Variants in ATCAY observed in about 807,000 individuals in gnomAD.
ATCAY encodes ATCAY kinesin light chain interacting caytaxin.
In ATCAY, 22 loss-of-function variants were observed where a neutral mutation model predicts 47.7. The observed-to-expected ratio is 0.46, with a 90% confidence interval of 0.33 to 0.66. The LOEUF is 0.66. Among genes scored for constraint, ATCAY ranks in the 30% least tolerant of loss-of-function variants. The pLI, the probability that ATCAY is intolerant of heterozygous loss-of-function variation, is 0.02. For missense variants in ATCAY, 452 were observed against 515.0 expected (o/e 0.88, Z 1.18); for synonymous variants, 216 against 207.6 (o/e 1.04, Z -0.35).
intron 1 of ATCAY, among the ~76,000 whole-genome samples, chr19:3,881,875 C>CCCCG (rs1338603974): frequency 1.4e-5 from 2 of 146,010 alleles, no homozygotes; most frequent in African/African-American, 5.2e-5. Flanking sequence ...CGCCCCCCCC[C>CCCCG]CGACCCCATA....
intron 3 of ATCAY, among the ~76,000 whole-genome samples, chr19:3,903,405 G>A (rs1427094796): frequency 6.6e-6 from 1 of 152,296 alleles, no homozygotes; most frequent in East Asian, 1.9e-4. Context: ...TGCCTCCGGA[G>A]GCAGGGAAAG....
rs541597789 is a variant in ATCAY at position 3,882,099 on chromosome 19, G to A, written c.-42+1091G>A. Among the ~76,000 whole-genome samples, 20 of 152,202 alleles carry A rather than the reference G, an allele frequency of 1.3e-4. No individual in the cohort carries two copies. In the South Asian group the frequency reaches 2.5e-3, roughly 19 times the overall value. ...TAAGCCACAGTCCCCTGTCCCCGAT[G>A]CAAACCCGATATCTATGCTGGGGGG... On this transcript the variant is annotated intron_variant, in intron 1 of 12. Coordinates refer to ENST00000450849, the MANE Select transcript of ATCAY (RefSeq NM_033064.5).
At chr19:3,908,447 G>C in intron 6 of ATCAY, 77 bp downstream of exon 6, 1 of 1,341,168 alleles carries the variant, frequency 7.5e-7, no homozygotes, top group Non-Finnish European at 1.0e-6. Flanking sequence ...AGGCTGCAAG[G>C]ATTGCATTGT....
At chr19:3,899,641 A>C (rs963536024) in intron 2 of ATCAY, among the ~76,000 whole-genome samples, 2 of 152,096 alleles carry the variant, frequency 1.3e-5, no homozygotes, top group Non-Finnish European at 2.9e-5. Context: ...AAAGGAAAGG[A>C]ACATGCATTC....
At chr19:3,915,325 G>A (rs1248025501) in intron 9 of ATCAY, among the ~76,000 whole-genome samples, 9 of 135,330 alleles carry the variant, frequency 6.7e-5, no homozygotes, top group East Asian at 4.8e-4. Flanking sequence ...GGCATGAGCC[G>A]CCATGCCTGG....
intron 2 of ATCAY, among the ~76,000 whole-genome samples, chr19:3,899,440 A>G (rs2038796820): frequency 6.9e-6 from 1 of 145,118 alleles, no homozygotes; most frequent in South Asian, 2.2e-4. Context: ...CAGCCTCCCC[A>G]GTAGCTGAGA....
At chr19:3,917,610 A>AAAAAAAAAAAAAG (rs368009492) in intron 9 of ATCAY, 132 bp from the exon 10 acceptor site, 1 of 492,804 alleles carries the variant, frequency 2.0e-6, no homozygotes, top group Non-Finnish European at 3.3e-6. Context: ...AAAAAAAAAA[A>AAAAAAAAAAAAAG]GGAAGAAGAA....
intron 2 of ATCAY, among the ~76,000 whole-genome samples, chr19:3,901,609 C>T (rs751811059): frequency 7.9e-5 from 12 of 152,044 alleles, no homozygotes; most frequent in Non-Finnish European, 1.5e-4. Flanking sequence ...CTCCTCAAGC[C>T]GTGCAAAAAT....
intron 11 of ATCAY, 147 bp from the exon 12 acceptor site, chr19:3,920,619 A>C (rs2039009103): frequency 2.0e-6 from 1 of 506,698 alleles, no homozygotes; most frequent in South Asian, 4.5e-5. Context: ...CTGGGATTAT[A>C]GGCATGAGCC....
intron 2 of ATCAY, among the ~76,000 whole-genome samples, chr19:3,887,488 T>A (rs2038668732): frequency 1.3e-5 from 2 of 150,642 alleles, no homozygotes; most frequent in South Asian, 4.2e-4. Context: ...ATTTTATTTA[T>A]TTATTTATTT....
intron 2 of ATCAY, among the ~76,000 whole-genome samples, chr19:3,886,988 C>G (rs1275220358): frequency 6.6e-6 from 1 of 151,964 alleles, no homozygotes; most frequent in Non-Finnish European, 1.5e-5. Flanking sequence ...GGCCCCTACG[C>G]TGAACATTTT....
intron 11 of ATCAY, chr19:3,920,330 C>T (rs2145266033): frequency 6.6e-6 from 1 of 152,260 alleles, no homozygotes; most frequent in East Asian, 2.0e-4. Flanking sequence ...GGCAACATAA[C>T]AAGACCCTGT....
At chr19:3,890,100 C>T (rs1387929528) in intron 2 of ATCAY, among the ~76,000 whole-genome samples, 8 of 151,432 alleles carry the variant, frequency 5.3e-5, no homozygotes, top group Admixed American at 2.0e-4. Flanking sequence ...TCTGCCACCA[C>T]GCCCAGCTCA....
At chr19:3,918,381 T>C (rs1424918138) in intron 10 of ATCAY, among the ~76,000 whole-genome samples, 2 of 79,512 alleles carry the variant, frequency 2.5e-5, no homozygotes, top group African/African-American at 1.5e-4. Context: ...CAAGACTCTG[T>C]CTCAAAAAAA....
chr19:3,888,513 C>T (rs1276864279), intron 2 of ATCAY, among the ~76,000 whole-genome samples: 1 of 151,866 alleles, frequency 6.6e-6, no homozygotes, highest in Non-Finnish European at 1.5e-5. Context: ...ACCTGTAATC[C>T]CAGCTACTCA....
intron 6 of ATCAY, among the ~76,000 whole-genome samples, chr19:3,908,656 T>TC (rs150106999): frequency 0.14 from 10,106 of 72,520 alleles, 621 homozygotes; most frequent in South Asian, 0.29. Flanking sequence ...TCCTCCCCCT[T>TC]CCCCTTTCTT....
At chr19:3,895,215 A>AGTTTTTGTTTTTGTTTTTGTTTTT (rs566755627) in intron 2 of ATCAY, 2 of 455,842 alleles carry the variant, frequency 4.4e-6, no homozygotes, top group African/African-American at 4.0e-5. Flanking sequence ...CTAATGCTGC[A>AGTTTTTGTTTTTGTTTTTGTTTTT]GTTTTTGTTT....
chr19:3,907,944 C>A lies in ATCAY; in HGVS notation c.544+25C>A. The A allele has an allele frequency of 1.9e-6, 3 of 1,604,934 alleles. No individual in the cohort carries two copies. The highest frequency in any genetic ancestry group is 1.3e-5 in the African/African-American group (1 of 74,876). ...GGTGAGACCCGCCCCCCGGTGCCCC[C>A]TTGGGGCTCCAGCCCGGCCCACTGG... is the stretch of plus-strand genomic sequence containing the variant. On this transcript the variant is annotated intron_variant, in intron 5 of 12. Transcript: ENST00000450849. The surrounding 1 kb of genome is among the most constrained non-coding windows in gnomAD (Gnocchi z 5.1).
intron 2 of ATCAY, among the ~76,000 whole-genome samples, chr19:3,896,925 C>T (rs188222567): frequency 3.3e-5 from 5 of 152,048 alleles, no homozygotes; most frequent in Admixed American, 2.0e-4. Context: ...TACAGGCGCC[C>T]GCCACCATGC....
Sources: allele counts gnomAD v4.1 joint callset (sites outside exome capture counted in the v4.1 genomes callset), GRCh38; gene constraint gnomAD v4.1.1; non-coding constraint Gnocchi (gnomAD v3.1); transcripts MANE v1.5; gene names NCBI Gene and HGNC (gene_info 2026-07-23, HGNC 2026-07-21).